KIRREL1: variants seen among roughly 807,000 people sequenced by gnomAD.
The protein encoded by KIRREL1 is kirre like nephrin family adhesion molecule 1.
Under a neutral mutation model 83.3 loss-of-function variants are expected in KIRREL1, and 25 were observed. That is an observed-to-expected ratio of 0.30 (90% CI 0.22 to 0.42). The LOEUF (loss-of-function observed/expected upper bound fraction) is 0.42. Ranked by LOEUF, KIRREL1 falls within the 10% of genes least tolerant of loss-of-function variation. The pLI is 1.00. For synonymous variants in KIRREL1, 388 were observed against 410.4 expected (o/e 0.95, Z 0.66); for missense variants, 812 against 1,032.3 (o/e 0.79, Z 2.92).
chr1:158,026,725 G>A (rs1305042156), intron 1 of KIRREL1, among the ~76,000 whole-genome samples: 1 of 152,174 alleles, frequency 6.6e-6, no homozygotes, highest in Non-Finnish European at 1.5e-5. Flanking sequence ...TCACAGAGAA[G>A]TAACTTGTCC....
chr1:158,000,281 T>C (rs943433162), intron 1 of KIRREL1, among the ~76,000 whole-genome samples: 28 of 152,222 alleles, frequency 1.8e-4, no homozygotes. Flanking sequence ...ACCCAAGCCT[T>C]TTCAGTCACC....
intron 1 of KIRREL1, among the ~76,000 whole-genome samples, chr1:158,045,816 C>G (rs1447854634): frequency 6.6e-6 from 1 of 152,170 alleles, no homozygotes; most frequent in Non-Finnish European, 1.5e-5. Context: ...CATCCTCAGC[C>G]CCAATCCAGA....
chr1:158,076,070 C>T, intron 1 of KIRREL1, 43 bp from the exon 2 acceptor site: 2 of 1,585,886 alleles, frequency 1.3e-6, no homozygotes, highest in Non-Finnish European at 1.7e-6. Flanking sequence ...AGAGGAGCCC[C>T]TCTCCTTACT....
intron 1 of KIRREL1, among the ~76,000 whole-genome samples, chr1:158,024,100 A>G (rs1223632774): frequency 6.6e-6 from 1 of 151,800 alleles, no homozygotes; most frequent in Admixed American, 6.6e-5. Flanking sequence ...GGTGCATGCC[A>G]CTGCACCTGG....
At chr1:158,070,491 T>G (rs1661480608) in intron 1 of KIRREL1, among the ~76,000 whole-genome samples, 1 of 152,150 alleles carries the variant, frequency 6.6e-6, no homozygotes, top group Non-Finnish European at 1.5e-5. Context: ...TTGCTGGGGT[T>G]GAAGGGTCAA....
In KIRREL1 at chr1:158,029,369, A is replaced by ATGTGTGTG. The variant is rs1218198001; in HGVS notation, c.52+35641_52+35642insTGTGTGTG. 6.0e-3 allele frequency among the ~76,000 whole-genome samples: 869 copies of ATGTGTGTG among 145,166 alleles called. 8 individuals are homozygous for ATGTGTGTG. Among genetic ancestry groups the ATGTGTGTG allele is most frequent in the East Asian group, 0.021 (104 of 4,858 alleles). Reference sequence around the variant, plus strand: ...TGTGTGTGTGTGTGTGTGTGTGTGCACGTGCGCGCGCATGCACACATGCAT... The same window carrying ATGTGTGTG: ...TGTGTGTGTGTGTGTGTGTGTGTGCATGTGTGTGCGTGCGCGCGCATGCACACATGCAT... On this transcript the variant is annotated intron_variant, in intron 1 of 14. Coordinates refer to ENST00000359209, the MANE Select transcript of KIRREL1 (RefSeq NM_018240.7).
intron 1 of KIRREL1, among the ~76,000 whole-genome samples, chr1:158,064,015 A>C (rs922101864): frequency 6.6e-6 from 1 of 152,300 alleles, no homozygotes. Context: ...ACATGAATAG[A>C]TGTATGTTGA....
At chr1:158,037,583 A>G (rs1375316845) in intron 1 of KIRREL1, among the ~76,000 whole-genome samples, 1 of 151,704 alleles carries the variant, frequency 6.6e-6, no homozygotes, top group Non-Finnish European at 1.5e-5. Context: ...TAAAATGGTT[A>G]GCAGCATGCC....
intron 11 of KIRREL1, among the ~76,000 whole-genome samples, chr1:158,092,999 G>A (rs930496568): frequency 6.6e-6 from 1 of 152,170 alleles, no homozygotes; most frequent in Non-Finnish European, 1.5e-5. Flanking sequence ...AAAGAAGAGC[G>A]AGGGGCCAAG....
intron 1 of KIRREL1, among the ~76,000 whole-genome samples, chr1:158,000,695 T>C (rs1275347468): frequency 6.6e-6 from 1 of 152,206 alleles, no homozygotes; most frequent in Non-Finnish European, 1.5e-5. Context: ...CTTCCCTCCA[T>C]ATTTAATTTA....
intron 1 of KIRREL1, among the ~76,000 whole-genome samples, chr1:158,014,684 G>T (rs866668732): frequency 1.1e-4 from 16 of 149,092 alleles, no homozygotes; most frequent in Non-Finnish European, 1.3e-4. Context: ...TCTTTATGGG[G>T]GGGGGGGGGC....
chr1:158,016,029 G>A (rs797020165), intron 1 of KIRREL1, among the ~76,000 whole-genome samples: 1 of 152,150 alleles, frequency 6.6e-6, no homozygotes, highest in Non-Finnish European at 1.5e-5. Context: ...AAGCAGGCTG[G>A]GTGCGGCGGC....
chr1:158,094,632 C>T lies in KIRREL1; in HGVS notation c.1798-12C>T, dbSNP rs944441017. 4.5e-6 allele frequency: 7 copies of T among 1,572,726 alleles called. No homozygotes were observed. In the African/African-American group the frequency reaches 5.4e-5, roughly 12 times the overall value. On this transcript the variant is annotated splice_polypyrimidine_tract_variant and intron_variant, in intron 14 of 14. Coordinates refer to ENST00000359209, the MANE Select transcript of KIRREL1 (RefSeq NM_018240.7). This position sits in a 1 kb window ranked among gnomAD's most constrained non-coding sequence, Gnocchi z 4.6. ...GAACACTGCCTCCATCCTCTTCTCT[C>T]ATTGCCCCCAGGACCCCACCAATGG...
At position 158,086,624 on chromosome 1, in the gene KIRREL1, C is replaced by A; in HGVS notation, c.539C>A (p.Thr180Asn). 6.4e-7 allele frequency: 1 copy of A among 1,552,004 alleles called. No homozygotes were observed. The highest frequency in any genetic ancestry group is 1.7e-4 in the Middle Eastern group (1 of 5,998). Residue 180 changes from threonine (T) to asparagine (N), a missense_variant, in exon 5 of 15, where the codon ACC becomes AAC. This residue lies in a region of KIRREL1 where 472 missense variants were observed against 626.8 expected (regional missense o/e 0.75). Coordinates refer to ENST00000359209, the MANE Select transcript of KIRREL1 (RefSeq NM_018240.7). The part of the protein sequence containing the change: ...TELLKDGKRE[T>N]TVSQLLINPT... ...TTGCTGAAGGATGGGAAGAGGGAGACCACCGTGAGCCAACTGCTTATTAAC... is the reference window on the plus strand; with the variant it reads ...TTGCTGAAGGATGGGAAGAGGGAGAACACCGTGAGCCAACTGCTTATTAAC...
intron 1 of KIRREL1, among the ~76,000 whole-genome samples, chr1:158,022,135 A>G (rs1660017831): frequency 6.6e-6 from 1 of 152,098 alleles, no homozygotes; most frequent in African/African-American, 2.4e-5. Flanking sequence ...GTGGGTCAAC[A>G]TAATGAAGTT....
chr1:158,013,488 G>A (rs992712247), intron 1 of KIRREL1, among the ~76,000 whole-genome samples: 1 of 152,196 alleles, frequency 6.6e-6, no homozygotes, highest in Non-Finnish European at 1.5e-5. Flanking sequence ...AGGTGCCTAC[G>A]GCTCCCCGTT....
chr1:158,049,086 G>A (rs550364669), intron 1 of KIRREL1, among the ~76,000 whole-genome samples: 7 of 152,308 alleles, frequency 4.6e-5, no homozygotes, highest in Admixed American at 1.3e-4. Context: ...GAGACAGAAC[G>A]AATAAGGTAT....
chr1:157,997,183 C>T (rs377665121), intron 1 of KIRREL1, among the ~76,000 whole-genome samples: 2 of 152,218 alleles, frequency 1.3e-5, no homozygotes, highest in Admixed American at 1.3e-4. Flanking sequence ...ATCACAGACT[C>T]GCATCCAGCT....
chr1:157,996,370 G>A (rs139595466), intron 1 of KIRREL1, among the ~76,000 whole-genome samples: 124 of 152,090 alleles, frequency 8.2e-4, no homozygotes, highest in African/African-American at 2.8e-3. Flanking sequence ...CCCTAGTCTC[G>A]GGGAGGAGAA....
Sources: allele counts gnomAD v4.1 joint callset (sites outside exome capture counted in the v4.1 genomes callset), GRCh38; gene constraint gnomAD v4.1.1; regional missense constraint gnomAD v4.1.1; non-coding constraint Gnocchi (gnomAD v3.1); transcripts MANE v1.5; gene names NCBI Gene and HGNC (gene_info 2026-07-23, HGNC 2026-07-21).